STK35: variants seen among roughly 807,000 people sequenced by gnomAD.
STK35 encodes the protein serine/threonine kinase 35, also known as serine/threonine-protein kinase 35.
In STK35, 17 loss-of-function variants were observed where a neutral mutation model predicts 37.3. That is an observed-to-expected ratio of 0.46 (90% CI 0.31 to 0.68). The LOEUF is 0.68. STK35 is among the 30% of genes least tolerant of loss of function. STK35 has a pLI of 0.05. For synonymous variants in STK35, 385 were observed against 319.1 expected (o/e 1.21, Z -2.20); for missense variants, 595 against 746.7 (o/e 0.80, Z 2.37).
intron 3 of STK35, among the ~76,000 whole-genome samples, chr20:2,119,659 C>A (rs372888922): frequency 6.6e-6 from 1 of 152,352 alleles, no homozygotes; most frequent in South Asian, 2.1e-4. Flanking sequence ...TCCCCCACCC[C>A]CTTTTCCCTT....
chr20:2,140,190 T>C (rs1252881002), intron 3 of STK35, among the ~76,000 whole-genome samples: 1 of 152,114 alleles, frequency 6.6e-6, no homozygotes, highest in African/African-American at 2.4e-5. Flanking sequence ...CACTTTTCAT[T>C]ATGCTTAGCA....
intron 3 of STK35, among the ~76,000 whole-genome samples, chr20:2,127,979 T>C (rs1292515533): frequency 6.6e-6 from 1 of 152,176 alleles, no homozygotes; most frequent in Non-Finnish European, 1.5e-5. Flanking sequence ...ACCCCTTGTG[T>C]CCTCTCTGCT....
chr20:2,120,038 A>T (rs1038858997), intron 3 of STK35, among the ~76,000 whole-genome samples: 4 of 152,220 alleles, frequency 2.6e-5, no homozygotes, highest in African/African-American at 9.6e-5. Context: ...GTAGTGCTAT[A>T]TTAGAAACCA....
intron 3 of STK35, among the ~76,000 whole-genome samples, chr20:2,127,569 C>G (rs1985927774): frequency 6.6e-6 from 1 of 152,180 alleles, no homozygotes; most frequent in African/African-American, 2.4e-5. Flanking sequence ...CTAACTTTAA[C>G]TTTTAAAAAT....
At chr20:2,138,692 CTACT>C (rs1352813534) in intron 3 of STK35, among the ~76,000 whole-genome samples, 3 of 152,146 alleles carry the variant, frequency 2.0e-5, no homozygotes, top group Non-Finnish European at 2.9e-5. Context: ...AAAACCATTC[CTACT>C]TACTTTCATC....
intron 3 of STK35, among the ~76,000 whole-genome samples, chr20:2,118,547 A>C (rs1007459657): frequency 6.6e-6 from 1 of 151,860 alleles, no homozygotes; most frequent in Non-Finnish European, 1.5e-5. Flanking sequence ...GTGCCACTGC[A>C]CTCCAGCCTG....
Position 2,138,391 on chromosome 20 carries a change from C to T in STK35, c.*38-5393C>T, listed in dbSNP as rs1986120051. Among the ~76,000 whole-genome samples the T allele has an allele frequency of 3.3e-5, 5 of 152,318 alleles. No homozygotes were observed. In the South Asian group the frequency reaches 1.0e-3, roughly 32 times the overall value. On this transcript the variant is annotated intron_variant, in intron 3 of 3. Coordinates refer to ENST00000381482, the MANE Select transcript of STK35 (RefSeq NM_080836.4). Reference sequence around the variant, plus strand: ...TCTTACTGAATGCCCCACCCTGGGTCAGGTGCCATGACAGGCAATTTACTT... The same window carrying T: ...TCTTACTGAATGCCCCACCCTGGGTTAGGTGCCATGACAGGCAATTTACTT...
intron 2 of STK35, among the ~76,000 whole-genome samples, chr20:2,107,296 C>T (rs184309163): frequency 2.8e-4 from 43 of 152,340 alleles, no homozygotes; most frequent in Admixed American, 2.7e-3. Context: ...GACAAACTCT[C>T]AAGACTCATA....
intron 3 of STK35, among the ~76,000 whole-genome samples, chr20:2,135,213 T>C (rs1986066252): frequency 6.6e-6 from 1 of 152,242 alleles, no homozygotes; most frequent in African/African-American, 2.4e-5. Flanking sequence ...TGTGCTTTTA[T>C]AGCCTGGGCG....
chr20:2,129,286 G>A (rs1600614821), intron 3 of STK35, among the ~76,000 whole-genome samples: 1 of 152,252 alleles, frequency 6.6e-6, no homozygotes, highest in East Asian at 1.9e-4. Flanking sequence ...CTGAGCCTCC[G>A]AGTCTGCCTT....
chr20:2,107,622 G>T (rs753589979), intron 2 of STK35, among the ~76,000 whole-genome samples: 2 of 152,128 alleles, frequency 1.3e-5, no homozygotes, highest in Non-Finnish European at 2.9e-5. Flanking sequence ...GGGAAGCAGG[G>T]GAAGGAAGAA....
intron 3 of STK35, among the ~76,000 whole-genome samples, chr20:2,143,374 A>G (rs6137114): frequency 0.33 from 50,901 of 152,084 alleles, 10,086 homozygotes; most frequent in East Asian, 0.92. Context: ...AGCACAATTA[A>G]TCACAGAGAG....
At chr20:2,109,234 G>A (rs527631267) in intron 2 of STK35, among the ~76,000 whole-genome samples, 1 of 152,322 alleles carries the variant, frequency 6.6e-6, no homozygotes, top group African/African-American at 2.4e-5. Context: ...GGAAAGGAAG[G>A]ATGAGTTGTA....
intron 3 of STK35, among the ~76,000 whole-genome samples, chr20:2,125,252 A>G (rs986837829): frequency 6.6e-6 from 1 of 152,166 alleles, no homozygotes; most frequent in African/African-American, 2.4e-5. Context: ...CACTCCCACC[A>G]ACAGCTACTG....
Position 2,145,295 on chromosome 20 carries a change from A to G in STK35, c.*1549A>G, listed in dbSNP as rs1371190823. On this transcript the variant is annotated 3_prime_UTR_variant, in exon 4 of 4. Transcript: ENST00000381482. ...TTTCACCCCATTATGGCCAAATAGT[A>G]TAGGGCCACTGGGGAGGGGGAAGGG... 1 of 152,310 alleles carries G rather than the reference A, an allele frequency of 6.6e-6. No individual in the cohort carries two copies. The highest frequency in any genetic ancestry group is 2.4e-5 in the African/African-American group (1 of 41,444). The allele number at this position is 152,310 out of a possible 1,614,324, so 9.4% of individuals were successfully genotyped here.
In STK35 at chr20:2,144,925, A is replaced by T. The variant is rs897089699; in HGVS notation, c.*1179A>T. The T allele has an allele frequency of 3.3e-5, 5 of 152,770 alleles. No homozygotes were observed. Among genetic ancestry groups the T allele is most frequent in the African/African-American group, 4.8e-5 (2 of 41,444 alleles). The allele number at this position is 152,770 out of a possible 1,614,324, so 9.5% of individuals were successfully genotyped here. A position where few individuals can be genotyped will look rare whatever the true frequency, so the allele number is the denominator to read the frequency against. ...CCATTTCCCTCACCCCTGGAGACTT[A>T]CTGTTAGGTGCCTGCCCTCAGTATA... On this transcript the variant is annotated 3_prime_UTR_variant, in exon 4 of 4. Coordinates refer to ENST00000381482, the MANE Select transcript of STK35 (RefSeq NM_080836.4).
intron 3 of STK35, among the ~76,000 whole-genome samples, chr20:2,126,712 C>T (rs1430228200): frequency 6.6e-6 from 1 of 152,288 alleles, no homozygotes; most frequent in African/African-American, 2.4e-5. Flanking sequence ...TTCTAGGATT[C>T]AGAGGCATGG....
intron 2 of STK35, among the ~76,000 whole-genome samples, chr20:2,109,620 A>G (rs1238948408): frequency 6.6e-6 from 1 of 152,198 alleles, no homozygotes; most frequent in Non-Finnish European, 1.5e-5. Flanking sequence ...CATGTTCTTG[A>G]CAGGCTGCCT....
intron 3 of STK35, among the ~76,000 whole-genome samples, chr20:2,133,354 A>C (rs544585244): frequency 4.4e-4 from 67 of 152,256 alleles, no homozygotes; most frequent in Non-Finnish European, 7.6e-4. Context: ...CCACAACTGA[A>C]CCTGTCTCTG....
Sources: allele counts gnomAD v4.1 joint callset (sites outside exome capture counted in the v4.1 genomes callset), GRCh38; gene constraint gnomAD v4.1.1; transcripts MANE v1.5; gene names NCBI Gene and HGNC (gene_info 2026-07-23, HGNC 2026-07-21).